ZNF385A: variants seen among roughly 807,000 people sequenced by gnomAD.
ZNF385A encodes hematopoietic zinc finger protein.
ZNF385A carries 14 observed loss-of-function variants against 32.1 expected under a neutral mutation model. The observed-to-expected ratio is 0.44, with a 90% confidence interval of 0.29 to 0.68. The LOEUF (loss-of-function observed/expected upper bound fraction) is 0.68, where lower values mean the gene tolerates loss of function less well. Ranked by LOEUF, ZNF385A falls within the 30% of genes least tolerant of loss-of-function variation. ZNF385A has a pLI of 0.14. For missense variants in ZNF385A, 406 were observed against 478.4 expected, an observed-to-expected ratio of 0.85 and a Z score of 1.41; for synonymous variants, 197 against 202.7, an observed-to-expected ratio of 0.97 and a Z score of 0.24.
chr12:54,382,129 G>A (rs1044362996), intron 1 of ZNF385A, among the ~76,000 whole-genome samples: 17 of 150,810 alleles, frequency 1.1e-4, no homozygotes, highest in African/African-American at 1.7e-4. Context: ...GTGCAGTGGC[G>A]CAATCTCGGC....
At chr12:54,376,039 A>C in intron 1 of ZNF385A, 85 bp from the exon 2 acceptor site, 1 of 1,109,512 alleles carries the variant, frequency 9.0e-7, no homozygotes, top group Non-Finnish European at 1.4e-6. Context: ...GTGTTGAACC[A>C]AGGTCCCCAG....
chr12:54,374,085 T>C lies in ZNF385A; in HGVS notation c.249A>G (p.Lys83=). The change falls in exon 3 of 7, where the codon AAA becomes AAG. Residue 83 remains lysine, a synonymous_variant. Transcript: ENST00000394313. ...CTCTGGTCTTGGCAGCCTCAATGCC[T>C]TTGACTCGTCGGGCGTGGCGATTAC... The part of the protein sequence containing the change: ...YKGNRHARRV[K]GIEAAKTRGR... 1.3e-6 allele frequency: 2 copies of C among 1,596,440 alleles called. No individual in the cohort carries two copies. Among genetic ancestry groups the C allele is most frequent in the East Asian group, 2.3e-5 (1 of 44,302 alleles).
intron 1 of ZNF385A, among the ~76,000 whole-genome samples, chr12:54,390,015 C>G (rs1158039726): frequency 6.6e-6 from 1 of 152,050 alleles, no homozygotes; most frequent in Non-Finnish European, 1.5e-5. Context: ...AGGTAGTCAA[C>G]AGGGATAGGC....
chr12:54,374,535 C>T (rs1481460781), intron 2 of ZNF385A, among the ~76,000 whole-genome samples: 1 of 152,152 alleles, frequency 6.6e-6, no homozygotes, highest in Non-Finnish European at 1.5e-5. Flanking sequence ...GTCCTCTGCC[C>T]CTAGGATCCA....
chr12:54,390,060 T>C (rs561094813), intron 1 of ZNF385A, among the ~76,000 whole-genome samples: 1 of 151,762 alleles, frequency 6.6e-6, no homozygotes, highest in Non-Finnish European at 1.5e-5. Context: ...GGAAGACAAA[T>C]AGCAGAGGGA....
At chr12:54,375,752 A>C (rs1319103742) in intron 2 of ZNF385A, 92 bp downstream of exon 2, 7 of 1,059,732 alleles carry the variant, frequency 6.6e-6, no homozygotes, top group Non-Finnish European at 1.0e-5. Context: ...CCTCAACCAG[A>C]GTAAGTGTTC....
intron 1 of ZNF385A, among the ~76,000 whole-genome samples, chr12:54,378,898 G>A (rs1954980812): frequency 2.6e-5 from 4 of 152,246 alleles, no homozygotes. Context: ...GCATGAGCTG[G>A]GATCCCGAGA....
chr12:54,386,884 A>G (rs1955502761), upstream of ZNF385A, among the ~76,000 whole-genome samples: 1 of 152,214 alleles, frequency 6.6e-6, no homozygotes, highest in African/African-American at 2.4e-5. Context: ...AAGTAGCTCA[A>G]TGAAGTAGCC....
At chr12:54,381,922 A>G (rs1351567853) in intron 1 of ZNF385A, among the ~76,000 whole-genome samples, 1 of 152,038 alleles carries the variant, frequency 6.6e-6, no homozygotes, top group Admixed American at 6.6e-5. Flanking sequence ...CTCTTCTCAC[A>G]CTGTATAGGG....
At chr12:54,376,006 GCA>G (rs750698231) in intron 1 of ZNF385A, 52 bp from the exon 2 acceptor site, 1 of 1,440,560 alleles carries the variant, frequency 6.9e-7, no homozygotes, top group African/African-American at 1.4e-5. Context: ...CTCATGTCCA[GCA>G]TTCCCCCAAC....
intron 1 of ZNF385A, among the ~76,000 whole-genome samples, chr12:54,380,090 G>T (rs894122914): frequency 1.3e-5 from 2 of 152,224 alleles, no homozygotes; most frequent in African/African-American, 2.4e-5. Flanking sequence ...TGGAGTGAGT[G>T]GGAGGAGAAC....
chr12:54,379,270 G>C, intron 1 of ZNF385A: 1 of 880,856 alleles, frequency 1.1e-6, no homozygotes, highest in Non-Finnish European at 1.4e-6. Flanking sequence ...CGAGGACGGG[G>C]GCGGGGACAG....
chr12:54,370,067 G>T lies in ZNF385A; in HGVS notation c.*189C>A. 4 of 474,872 alleles carry T rather than the reference G, an allele frequency of 8.4e-6. No homozygotes were observed. The allele number at this position is 474,872 out of a possible 1,614,324, so 29.4% of individuals were successfully genotyped here. On this transcript the variant is annotated 3_prime_UTR_variant, in exon 7 of 7. Coordinates refer to ENST00000394313, the MANE Select transcript of ZNF385A (RefSeq NM_015481.3). This position sits in a 1 kb window ranked among gnomAD's most constrained non-coding sequence, Gnocchi z 5.5. Reference sequence around the variant, plus strand: ...GGGGCGGGGTTCCCTGAGATCTGGGGTGTTCCCCCCCTTCTGAAGCCCCCC... The same window carrying T: ...GGGGCGGGGTTCCCTGAGATCTGGGTTGTTCCCCCCCTTCTGAAGCCCCCC...
In ZNF385A at chr12:54,374,072, C is replaced by T. The variant is rs1954708074; in HGVS notation, c.262G>A (p.Ala88Thr). The change falls in exon 3 of 7, where the codon GCC becomes ACC. Residue 88 changes from alanine to threonine, a missense_variant. Transcript: ENST00000394313. ...HARRVKGIEAAKTRGREPGVR... is the reference protein window; with the variant it reads ...HARRVKGIEATKTRGREPGVR... ...CCAGGCTCCCTGCCTCTGGTCTTGGCAGCCTCAATGCCTTTGACTCGTCGG... is the reference window on the plus strand; with the variant it reads ...CCAGGCTCCCTGCCTCTGGTCTTGGTAGCCTCAATGCCTTTGACTCGTCGG... The T allele has an allele frequency of 6.2e-7, 1 of 1,603,440 alleles. No homozygotes were observed. The highest frequency in any genetic ancestry group is 8.5e-7 in the Non-Finnish European group (1 of 1,173,000).
chr12:54,374,104 C>G lies in ZNF385A; in HGVS notation c.230G>C (p.Arg77Pro). 2.5e-6 allele frequency: 4 copies of G among 1,581,816 alleles called. No homozygotes were observed. The highest frequency in any genetic ancestry group is 3.4e-6 in the Non-Finnish European group (4 of 1,160,786). ...AATGCCTTTGACTCGTCGGGCGTGG[C>G]GATTACCTTTGTAGTGCGCCTCAGC... is the stretch of plus-strand genomic sequence containing the variant. ...SQAEAHYKGN[R>P]HARRVKGIEA... Residue 77 changes from arginine (R) to proline (P), a missense_variant, in exon 3 of 7, where the codon CGC becomes CCC. Physicochemically the swap from Arg to Pro is moderately radical, Grantham distance 103. Transcript: ENST00000394313.
intron 1 of ZNF385A, among the ~76,000 whole-genome samples, chr12:54,378,146 G>A (rs1954940219): frequency 6.6e-6 from 1 of 152,176 alleles, no homozygotes; most frequent in South Asian, 2.1e-4. Flanking sequence ...GGAGTCAGGT[G>A]GGTGCTTCCC....
At chr12:54,378,866 G>C (rs1182766709) in intron 1 of ZNF385A, among the ~76,000 whole-genome samples, 1 of 152,166 alleles carries the variant, frequency 6.6e-6, no homozygotes, top group African/African-American at 2.4e-5. Flanking sequence ...AGGGTATCCA[G>C]TGTGGTGGCA....
At chr12:54,390,832 G>GGGTGGTCGGAGTATC (rs1440285835) in intron 1 of ZNF385A, among the ~76,000 whole-genome samples, 2 of 151,780 alleles carry the variant, frequency 1.3e-5, no homozygotes, top group African/African-American at 4.8e-5. Flanking sequence ...GAGTATCTAA[G>GGGTGGTCGGAGTATC]CTAAGGGTGG....
chr12:54,388,083 G>GTGTGTGT, upstream of ZNF385A, among the ~76,000 whole-genome samples: 2 of 150,234 alleles, frequency 1.3e-5, no homozygotes, highest in South Asian at 2.1e-4. Flanking sequence ...GTGTGTGTGT[G>GTGTGTGT]GCACCCATGT....
Sources: gnomAD v4.1 joint callset for allele counts (sites outside exome capture counted in the v4.1 genomes callset) on GRCh38, gnomAD v4.1.1 for gene constraint, Gnocchi (gnomAD v3.1) non-coding constraint, MANE v1.5 for transcripts, NCBI Gene and HGNC (gene_info 2026-07-23, HGNC 2026-07-21) for gene names.